FAM76A: variants seen among roughly 807,000 people sequenced by gnomAD.
FAM76A encodes family with sequence similarity 76 member A.
In FAM76A, 32 loss-of-function variants were observed where a neutral mutation model predicts 46.2. The observed-to-expected ratio is 0.69, with a 90% CI of 0.52 to 0.93. FAM76A has a LOEUF of 0.93. Ranked by LOEUF, FAM76A falls within the 40% of genes least tolerant of loss-of-function variation. The pLI, the probability that FAM76A is intolerant of heterozygous loss-of-function variation, is 0.00. For synonymous variants in FAM76A, 137 were observed against 127.0 expected, an observed-to-expected ratio of 1.08 and a Z score of -0.53; for missense variants, 274 against 361.5, an observed-to-expected ratio of 0.76 and a Z score of 1.96.
intron 6 of FAM76A, among the ~76,000 whole-genome samples, chr1:27,750,689 T>C (rs1472616707): frequency 6.6e-6 from 1 of 152,208 alleles, no homozygotes; most frequent in Non-Finnish European, 1.5e-5. Flanking sequence ...ATTAGCTTAT[T>C]TTGTTCTTGA....
intron 6 of FAM76A, among the ~76,000 whole-genome samples, chr1:27,751,485 T>G (rs910482471): frequency 1.2e-4 from 18 of 151,664 alleles, no homozygotes; most frequent in Admixed American, 4.6e-4. Context: ...AAAATTTCAC[T>G]GGCTACCCAT....
chr1:27,748,283 A>G (rs559029175), intron 5 of FAM76A, among the ~76,000 whole-genome samples: 2 of 150,328 alleles, frequency 1.3e-5, no homozygotes, highest in South Asian at 2.1e-4. Flanking sequence ...CCGCTACCAC[A>G]CCCGGCTGAT....
At chr1:27,726,298 C>A in intron 1 of FAM76A, 137 bp downstream of exon 1, 1 of 749,656 alleles carries the variant, frequency 1.3e-6, no homozygotes, top group Non-Finnish European at 1.8e-6. Context: ...CCGCACCCAC[C>A]CCGCTGGGGG....
chr1:27,745,983 A>C lies in FAM76A; in HGVS notation c.512+1172A>C, dbSNP rs1027167920. 2.6e-5 allele frequency among the ~76,000 whole-genome samples: 4 copies of C among 152,310 alleles called. No individual in the cohort carries two copies. In the East Asian group the frequency reaches 7.7e-4, roughly 29 times the overall value. On this transcript the variant is annotated intron_variant, in intron 5 of 8. Transcript: ENST00000373954. ...CAGGGTGTTAGTGGGAAGCTATTGA[A>C]GGGATCTATGCAGAGGAGAGACCAA... is the stretch of plus-strand genomic sequence containing the variant.
At chr1:27,731,990 T>C (rs1294558481) in intron 2 of FAM76A, among the ~76,000 whole-genome samples, 1 of 152,066 alleles carries the variant, frequency 6.6e-6, no homozygotes. Context: ...CCTGGCTAAT[T>C]TTTGTATTTT....
Position 27,729,511 on chromosome 1 carries a change from A to G in FAM76A, c.146+1975A>G, listed in dbSNP as rs2087920097. 1.3e-5 allele frequency among the ~76,000 whole-genome samples: 2 copies of G among 149,592 alleles called. 1 individual carries two copies. The highest frequency in any genetic ancestry group is 4.2e-4 in the South Asian group (2 of 4,802). On this transcript the variant is annotated intron_variant, in intron 2 of 8. Coordinates refer to ENST00000373954, the MANE Select transcript of FAM76A (RefSeq NM_152660.3). ...AGGCGTGACCGACCACACCCAGCCT[A>G]TCATGGATGTTTTCAAACAAAAAAA... is the stretch of plus-strand genomic sequence containing the variant.
chr1:27,754,710 T>A (rs1320892948), intron 6 of FAM76A, among the ~76,000 whole-genome samples: 2 of 152,180 alleles, frequency 1.3e-5, no homozygotes, highest in African/African-American at 4.8e-5. Context: ...TCTCGGCAGA[T>A]ACACTGACTG....
At chr1:27,739,240 A>G in intron 4 of FAM76A, 1 of 504,904 alleles carries the variant, frequency 2.0e-6, no homozygotes, top group Non-Finnish European at 4.0e-6. Flanking sequence ...CAGGGGCTGA[A>G]GCATGTTAGT....
chr1:27,740,482 T>C, intron 4 of FAM76A: 3 of 1,469,770 alleles, frequency 2.0e-6, no homozygotes, highest in Non-Finnish European at 2.8e-6. Context: ...GAGTAGGTCC[T>C]GACACTGTCC....
At position 27,762,702 on chromosome 1, in the gene FAM76A, A is replaced by C. The variant is rs1016644978; in HGVS notation, c.*2121A>C. On this transcript the variant is annotated 3_prime_UTR_variant, in exon 9 of 9. Coordinates refer to ENST00000373954, the MANE Select transcript of FAM76A (RefSeq NM_152660.3). ...TTAGGTAAAGATAAACTGTCATAAT[A>C]TTTTTCAGATGCATTTGCATTGACT... 1.3e-5 allele frequency: 2 copies of C among 152,094 alleles called. No individual in the cohort carries two copies. Among genetic ancestry groups the C allele is most frequent in the Non-Finnish European group, 2.9e-5 (2 of 68,018 alleles). The allele number at this position is 152,094 out of a possible 1,614,324, so 9.4% of individuals were successfully genotyped here.
intron 3 of FAM76A, 72 bp from the exon 4 acceptor site, chr1:27,733,959 A>G (rs1287847733): frequency 1.0e-5 from 15 of 1,443,034 alleles, no homozygotes; most frequent in Non-Finnish European, 2.9e-6. Flanking sequence ...CAAAGTAGGA[A>G]TTATTGCTTT....
At position 27,742,313 on chromosome 1, in the gene FAM76A, G is replaced by T. The variant is rs148191189; in HGVS notation, c.355-2341G>T. On this transcript the variant is annotated intron_variant, in intron 4 of 8. Coordinates refer to ENST00000373954, the MANE Select transcript of FAM76A (RefSeq NM_152660.3). The stretch of plus-strand genomic sequence containing the variant: ...TAGTGTGTCCTCCAGTGGTTTTTCA[G>T]TCTGAATGCTGCACAGAGACACCAC... Among the ~76,000 whole-genome samples the T allele has an allele frequency of 8.1e-4, 124 of 152,336 alleles. 1 individual carries two copies. Among genetic ancestry groups the T allele is most frequent in the African/African-American group, 2.9e-3 (121 of 41,576 alleles).
chr1:27,736,762 A>G (rs1313095768), intron 4 of FAM76A, among the ~76,000 whole-genome samples: 1 of 149,632 alleles, frequency 6.7e-6, no homozygotes, highest in African/African-American at 2.5e-5. Flanking sequence ...TAATTTTTTT[A>G]TTTTTTTATT....
At chr1:27,735,900 A>G (rs1272674953) in intron 4 of FAM76A, among the ~76,000 whole-genome samples, 1 of 152,178 alleles carries the variant, frequency 6.6e-6, no homozygotes, top group Non-Finnish European at 1.5e-5. Context: ...CATTTTTACT[A>G]ATCTGGTTAT....
chr1:27,759,779 G>GTTTTTTTTTT, intron 8 of FAM76A, 152 bp downstream of exon 8: 38 of 359,598 alleles, frequency 1.1e-4, no homozygotes, highest in East Asian at 6.5e-4. Context: ...TTTTTTTTTT[G>GTTTTTTTTTT]TTTTTTTTTT....
At position 27,742,843 on chromosome 1, in the gene FAM76A, G is replaced by A. The variant is rs570562597; in HGVS notation, c.355-1811G>A. On this transcript the variant is annotated intron_variant, in intron 4 of 8. Transcript: ENST00000373954. ...TGGGAGGCCGAGGCGGGCAGATCACGAGGTCAGGAGTTCGAGACCAGCCTG... is the reference window on the plus strand; with the variant it reads ...TGGGAGGCCGAGGCGGGCAGATCACAAGGTCAGGAGTTCGAGACCAGCCTG... 1.1e-3 allele frequency among the ~76,000 whole-genome samples: 163 copies of A among 152,126 alleles called. 1 individual carries two copies. The highest frequency in any genetic ancestry group is 1.9e-3 in the Non-Finnish European group (132 of 67,960).
intron 4 of FAM76A, among the ~76,000 whole-genome samples, chr1:27,737,013 G>A (rs570102096): frequency 1.1e-4 from 17 of 152,128 alleles, no homozygotes; most frequent in East Asian, 9.7e-4. Context: ...GCAATGGCAC[G>A]ATCTCGGCTC....
chr1:27,734,090 C>A lies in FAM76A; in HGVS notation c.261C>A (p.Arg87=). Residue 87 remains arginine (R), a synonymous_variant, in exon 4 of 9, where the codon CGC becomes CGA. Transcript: ENST00000373954. The stretch of plus-strand genomic sequence containing the variant: ...CATTTATTGGGAATAAATGCCAGCG[C>A]TGCACAAATTCAGAAAAGAAGTATG... ...IAAFIGNKCQ[R]CTNSEKKYGP... The A allele has an allele frequency of 6.2e-7, 1 of 1,613,060 alleles. No individual in the cohort carries two copies. The highest frequency in any genetic ancestry group is 8.5e-7 in the Non-Finnish European group (1 of 1,179,826).
rs1255913088 is a variant in FAM76A, at chr1:27,760,834, C to T, written c.*253C>T. On this transcript the variant is annotated 3_prime_UTR_variant, in exon 9 of 9. Coordinates refer to ENST00000373954, the MANE Select transcript of FAM76A (RefSeq NM_152660.3). Reference sequence around the variant, plus strand: ...TATTAGGACTTTTCTTTTTCTTCTTCCTCTTCTCTCTATTTTGGTTCTATT... The same window carrying T: ...TATTAGGACTTTTCTTTTTCTTCTTTCTCTTCTCTCTATTTTGGTTCTATT... 1.0e-5 allele frequency: 2 copies of T among 193,342 alleles called. No individual in the cohort carries two copies. Among genetic ancestry groups the T allele is most frequent in the African/African-American group, 2.5e-5 (1 of 40,450 alleles). The allele number at this position is 193,342 out of a possible 1,614,324, so 12.0% of individuals were successfully genotyped here.
Sources: allele counts gnomAD v4.1 joint callset (sites outside exome capture counted in the v4.1 genomes callset), GRCh38; gene constraint gnomAD v4.1.1; transcripts MANE v1.5; gene names NCBI Gene and HGNC (gene_info 2026-07-23, HGNC 2026-07-21).